Variants in TNIK observed in about 807,000 individuals in gnomAD.
The protein encoded by TNIK is TRAF2 and NCK interacting kinase.
TNIK carries 49 observed loss-of-function variants against 191.3 expected under a neutral mutation model. The ratio of observed to expected loss-of-function variants is 0.26; its 90% confidence interval spans 0.20 to 0.32. TNIK has a LOEUF of 0.32. TNIK is among the 10% of genes least tolerant of loss of function. TNIK has a pLI of 1.00. For missense variants in TNIK, 1,155 were observed against 1,702.3 expected (o/e 0.68, Z 5.66); for synonymous variants, 594 against 600.9 (o/e 0.99, Z 0.17).
intron 2 of TNIK, among the ~76,000 whole-genome samples, chr3:171,356,194 A>G (rs762800937): frequency 7.9e-5 from 12 of 151,942 alleles, no homozygotes; most frequent in Non-Finnish European, 1.8e-4. Flanking sequence ...GGAAAAAAAA[A>G]TCATAATGCA....
At chr3:171,420,934 C>T (rs551748059) in intron 1 of TNIK, among the ~76,000 whole-genome samples, 53 of 152,148 alleles carry the variant, frequency 3.5e-4, no homozygotes, top group African/African-American at 1.2e-3. Context: ...CTACTCAGAA[C>T]GATGGACAAT....
chr3:171,218,244 T>C (rs1241209344), intron 3 of TNIK, among the ~76,000 whole-genome samples: 1 of 152,156 alleles, frequency 6.6e-6, no homozygotes, highest in Non-Finnish European at 1.5e-5. Flanking sequence ...TCTTTGCCAG[T>C]AGGCTAACCT....
At chr3:171,129,520 C>T (rs746178330) in intron 15 of TNIK, among the ~76,000 whole-genome samples, 13 of 152,220 alleles carry the variant, frequency 8.5e-5, no homozygotes, top group Non-Finnish European at 1.8e-4. Flanking sequence ...TGCCCCATCT[C>T]ATTCTTTCAT....
In TNIK at chr3:171,126,138, A is replaced by G. The variant is rs1576897498; in HGVS notation, c.1787T>C (p.Val596Ala). ...RPVDPQIPHL[V>A]AVKSQGPALT... The stretch of plus-strand genomic sequence containing the variant: ...GGCAGGTCCCTGGGATTTTACAGCT[A>G]CCAGATGTGGGATCTAAGCATCAAA... Residue 596 changes from valine to alanine, a missense_variant, in exon 17 of 33, where the codon GTA becomes GCA. By Grantham distance (64) the Val-to-Ala change is moderately conservative (BLOSUM62 0). Coordinates refer to ENST00000436636, the MANE Select transcript of TNIK (RefSeq NM_015028.4). The G allele has an allele frequency of 1.3e-6, 2 of 1,540,002 alleles. No homozygotes were observed. The highest frequency in any genetic ancestry group is 2.3e-5 in the East Asian group (1 of 44,042).
chr3:171,383,092 A>G (rs1477115692), intron 1 of TNIK, among the ~76,000 whole-genome samples: 10 of 152,218 alleles, frequency 6.6e-5, no homozygotes, highest in Non-Finnish European at 1.5e-4. Context: ...AAGAGCCTCC[A>G]ATGCCAAAAC....
intron 2 of TNIK, among the ~76,000 whole-genome samples, chr3:171,361,026 A>G (rs1310734506): frequency 6.6e-6 from 1 of 152,218 alleles, no homozygotes; most frequent in Non-Finnish European, 1.5e-5. Context: ...GAATAAATAA[A>G]CAAAGGTAAA....
At chr3:171,206,713 A>G (rs1740141034) in intron 4 of TNIK, among the ~76,000 whole-genome samples, 1 of 152,162 alleles carries the variant, frequency 6.6e-6, no homozygotes, top group Admixed American at 6.5e-5. Flanking sequence ...GGGAAAGTCA[A>G]TTAACTTCAC....
At chr3:171,255,324 G>C (rs573957821) in intron 2 of TNIK, among the ~76,000 whole-genome samples, 2 of 152,230 alleles carry the variant, frequency 1.3e-5, no homozygotes, top group South Asian at 4.1e-4. Flanking sequence ...CTCCCCATGA[G>C]GAAACAGTAG....
At chr3:171,411,114 G>C (rs1390165258) in intron 1 of TNIK, among the ~76,000 whole-genome samples, 1 of 151,520 alleles carries the variant, frequency 6.6e-6, no homozygotes, top group Non-Finnish European at 1.5e-5. Flanking sequence ...TGTCACCCAG[G>C]CTGGAGTGCA....
At chr3:171,390,098 T>G (rs1719270660) in intron 1 of TNIK, among the ~76,000 whole-genome samples, 1 of 152,198 alleles carries the variant, frequency 6.6e-6, no homozygotes, top group African/African-American at 2.4e-5. Context: ...CAAGCCATTA[T>G]CAACACATTT....
At chr3:171,415,245 C>T (rs1212369391) in intron 1 of TNIK, among the ~76,000 whole-genome samples, 1 of 152,176 alleles carries the variant, frequency 6.6e-6, no homozygotes, top group Admixed American at 6.5e-5. Context: ...CAGACGCACT[C>T]TGCAACCACT....
At chr3:171,415,916 G>C (rs1722983515) in intron 1 of TNIK, among the ~76,000 whole-genome samples, 1 of 123,898 alleles carries the variant, frequency 8.1e-6, no homozygotes, top group African/African-American at 3.0e-5. Flanking sequence ...GGGAGGCAGA[G>C]GTTTAGCTGA....
intron 2 of TNIK, among the ~76,000 whole-genome samples, chr3:171,317,706 T>A (rs944687270): frequency 1.3e-5 from 2 of 152,122 alleles, no homozygotes; most frequent in African/African-American, 4.8e-5. Context: ...GACTTTCTAG[T>A]TTACAGTCAT....
At chr3:171,144,094 A>G (rs1055574067) in intron 12 of TNIK, among the ~76,000 whole-genome samples, 1 of 152,236 alleles carries the variant, frequency 6.6e-6, no homozygotes, top group Non-Finnish European at 1.5e-5. Flanking sequence ...AGAATGGCTG[A>G]AACCAACTAC....
rs760026589 is a variant in TNIK at position 171,211,085 on chromosome 3, A to G, written c.306+31T>C. On this transcript the variant is annotated intron_variant, in intron 4 of 32. Coordinates refer to ENST00000436636, the MANE Select transcript of TNIK (RefSeq NM_015028.4). ...ATTTGGCCGTGTTTGTTTTTTATGT[A>G]AATAAAGCAAATTTGGACGGCAGTA... 3.1e-6 allele frequency: 5 copies of G among 1,600,198 alleles called. No homozygotes were observed. The African/African-American group carries it at 6.8e-5, about 22-fold the overall frequency.
intron 1 of TNIK, among the ~76,000 whole-genome samples, chr3:171,430,034 T>C: frequency 6.6e-6 from 1 of 152,128 alleles, no homozygotes; most frequent in African/African-American, 2.4e-5. Context: ...TAGAGGTAGA[T>C]AGAGCCCACC....
intron 1 of TNIK, among the ~76,000 whole-genome samples, chr3:171,445,447 G>T (rs1727383133): frequency 1.3e-5 from 2 of 151,672 alleles, no homozygotes; most frequent in South Asian, 4.2e-4. Context: ...GTTGAGAGAG[G>T]CAGGGCCTAA....
rs1371554144 is a variant in TNIK at position 171,271,228 on chromosome 3, T to A, written c.124-43007A>T. 3.3e-5 allele frequency among the ~76,000 whole-genome samples: 5 copies of A among 152,384 alleles called. No individual in the cohort carries two copies. The East Asian group carries it at 9.6e-4, about 29-fold the overall frequency. Reference sequence around the variant, plus strand: ...TTCCTACCTGTGTTGCCAACTCTAATAGTTCTAGCATTTACTTGCACTTCT... The same window carrying A: ...TTCCTACCTGTGTTGCCAACTCTAAAAGTTCTAGCATTTACTTGCACTTCT... On this transcript the variant is annotated intron_variant, in intron 2 of 32. Transcript: ENST00000436636.
intron 2 of TNIK, among the ~76,000 whole-genome samples, chr3:171,297,056 A>C (rs972628825): frequency 3.9e-5 from 6 of 152,180 alleles, no homozygotes; most frequent in Non-Finnish European, 8.8e-5. Context: ...CTTGCCTCTT[A>C]TGATAAGGCC....
Sources: gnomAD v4.1 joint callset for allele counts (sites outside exome capture counted in the v4.1 genomes callset) on GRCh38, gnomAD v4.1.1 for gene constraint, MANE v1.5 for transcripts, NCBI Gene and HGNC (gene_info 2026-07-23, HGNC 2026-07-21) for gene names.